The following PIAS4 variants were observed in gnomAD, a reference collection of about 807,000 sequenced individuals.
The protein encoded by PIAS4 is protein inhibitor of activated STAT 4, also known as E3 SUMO-protein ligase PIAS4.
In PIAS4, 7 loss-of-function variants were observed where a neutral mutation model predicts 58.0. The observed-to-expected ratio is 0.12, with a 90% CI of 0.07 to 0.23. The LOEUF (loss-of-function observed/expected upper bound fraction) is 0.23, where lower values mean the gene tolerates loss of function less well. Among genes scored for constraint, PIAS4 ranks in the 10% least tolerant of loss-of-function variants. The probability of loss-of-function intolerance (pLI) is 1.00; values close to 1 mark genes in which losing one functional copy is unlikely to be tolerated. For missense variants in PIAS4, 550 were observed against 709.5 expected, an observed-to-expected ratio of 0.78 and a Z score of 2.55; for synonymous variants, 364 against 312.4, an observed-to-expected ratio of 1.17 and a Z score of -1.74.
intron 1 of PIAS4, among the ~76,000 whole-genome samples, chr19:4,012,046 G>A: frequency 9.8e-6 from 1 of 101,918 alleles, no homozygotes; most frequent in Non-Finnish European, 2.0e-5. Flanking sequence ...GGAGGTGTGT[G>A]GGGTGTGGAG....
At chr19:4,019,731 C>T (rs563602408) in intron 2 of PIAS4, among the ~76,000 whole-genome samples, 3 of 152,286 alleles carry the variant, frequency 2.0e-5, no homozygotes, top group Admixed American at 2.0e-4. Context: ...AGCCCATCAC[C>T]TCTGCAGAGA....
In PIAS4 at chr19:4,024,101, G is replaced by C. The variant is rs1393692484; in HGVS notation, c.520G>C (p.Glu174Gln). The C allele has an allele frequency of 6.2e-7, 1 of 1,613,708 alleles. No homozygotes were observed. Among genetic ancestry groups the C allele is most frequent in the Admixed American group, 1.7e-5 (1 of 60,026 alleles). The change falls in exon 3 of 11, where the codon GAG (glutamate) becomes CAG (glutamine). Residue 174 changes from glutamate to glutamine, a missense_variant. Physicochemically the swap from Glu to Gln is conservative, Grantham distance 29. This residue lies in a region of PIAS4 where 225 missense variants were observed against 345.8 expected (regional missense o/e 0.65). Transcript: ENST00000262971. ...CTTCGCATTGACGCCAAGACAGGTG[G>C]AGTTGATCCGGAACTCCAGGTGTGC... ...CIFALTPRQV[E>Q]LIRNSRELQP... is the part of the protein sequence containing the mutation.
At chr19:4,023,818 A>G (rs1450951003) in intron 2 of PIAS4, among the ~76,000 whole-genome samples, 1 of 152,226 alleles carries the variant, frequency 6.6e-6, no homozygotes, top group African/African-American at 2.4e-5. Flanking sequence ...GGCCGTCAAC[A>G]GGACACAGGC....
intron 1 of PIAS4, among the ~76,000 whole-genome samples, chr19:4,008,036 C>T (rs1413318276): frequency 1.3e-5 from 2 of 151,674 alleles, no homozygotes; most frequent in African/African-American, 2.4e-5. Context: ...CAGGCAGGGT[C>T]CCCCCACCCA....
intron 2 of PIAS4, among the ~76,000 whole-genome samples, chr19:4,022,279 A>C (rs1217766158): frequency 1.3e-5 from 2 of 151,988 alleles, no homozygotes; most frequent in Non-Finnish European, 2.9e-5. Flanking sequence ...CATTTCTGAT[A>C]TTGGTAGTTT....
intron 2 of PIAS4, among the ~76,000 whole-genome samples, chr19:4,014,928 A>G (rs913780438): frequency 2.6e-5 from 4 of 151,994 alleles, no homozygotes; most frequent in Middle Eastern, 3.4e-3. Context: ...GAGGAAGTGG[A>G]GGAGGGAGGA....
chr19:4,016,998 C>T (rs1384634268), intron 2 of PIAS4, among the ~76,000 whole-genome samples: 1 of 152,160 alleles, frequency 6.6e-6, no homozygotes, highest in Non-Finnish European at 1.5e-5. Flanking sequence ...AGGCAAGTGG[C>T]CGTCTGCCTT....
chr19:4,015,490 C>T (rs1364632159), intron 2 of PIAS4, among the ~76,000 whole-genome samples: 1 of 152,234 alleles, frequency 6.6e-6, no homozygotes, highest in Non-Finnish European at 1.5e-5. Context: ...CACTGGCTCT[C>T]TCTCCATCTC....
chr19:4,024,432 C>T (rs117378798), intron 3 of PIAS4, among the ~76,000 whole-genome samples: 6 of 152,338 alleles, frequency 3.9e-5, no homozygotes, highest in South Asian at 2.1e-4. Flanking sequence ...GAGCATTCCT[C>T]GCCTCCACCC....
Position 4,038,229 on chromosome 19 carries a change from C to CCCCGCCG in PIAS4, c.*365_*371dup, listed in dbSNP as rs952749535. The CCCCGCCG allele has an allele frequency of 1.2e-5, 3 of 243,076 alleles. No homozygotes were observed. The highest frequency in any genetic ancestry group is 1.2e-4 in the Admixed American group (2 of 17,272). The allele number at this position is 243,076 out of a possible 1,614,324, so 15.1% of individuals were successfully genotyped here. A position where few individuals can be genotyped will look rare whatever the true frequency, so the allele number is the denominator to read the frequency against. ...CGCCCCGCGCCCTCCCCTCCGGATG[C>CCCCGCCG]CCCGCCGCCCGCCGCCCTCTGCCCA... On this transcript the variant is annotated 3_prime_UTR_variant, in exon 11 of 11. Transcript: ENST00000262971. The surrounding 1 kb of genome is among the most constrained non-coding windows in gnomAD (Gnocchi z 4.1).
intron 2 of PIAS4, among the ~76,000 whole-genome samples, chr19:4,020,070 C>G (rs543424839): frequency 8.5e-5 from 13 of 152,246 alleles, no homozygotes; most frequent in Admixed American, 6.5e-4. Context: ...GCGCCTGCCA[C>G]CACGCCCGGC....
chr19:4,039,058 G>C lies in PIAS4; in HGVS notation c.*1183G>C, dbSNP rs10405522. 147,414 of 152,426 alleles carry C rather than the reference G, an allele frequency of 0.97. 71,338 individuals are homozygous for C. The highest frequency in any genetic ancestry group is 0.99 in the African/African-American group (41,268 of 41,596). 9.4% of individuals were successfully genotyped at this position (152,426 alleles called of 1,614,324 possible). A position where few individuals can be genotyped will look rare whatever the true frequency, so the allele number is the denominator to read the frequency against. ...CACAGCTGGGCACCCCCCTTGCCCC[G>C]CAGGAGACCGGGGCGCAGGCGGGGC... On this transcript the variant is annotated 3_prime_UTR_variant, in exon 11 of 11. Coordinates refer to ENST00000262971, the MANE Select transcript of PIAS4 (RefSeq NM_015897.4).
chr19:4,035,929 C>G (rs2040274105), intron 9 of PIAS4, among the ~76,000 whole-genome samples: 1 of 143,906 alleles, frequency 6.9e-6, no homozygotes, highest in African/African-American at 2.6e-5. Context: ...CACACCTGCA[C>G]ACATCCATAC....
At chr19:4,016,608 T>C (rs2040055539) in intron 2 of PIAS4, among the ~76,000 whole-genome samples, 1 of 152,168 alleles carries the variant, frequency 6.6e-6, no homozygotes, top group African/African-American at 2.4e-5. Flanking sequence ...GCAGGAGCCA[T>C]TTACTCTACA....
rs548479731 is a variant in PIAS4, at chr19:4,021,554, G to A, written c.455-2482G>A. On this transcript the variant is annotated intron_variant, in intron 2 of 10. Transcript: ENST00000262971. ...GATTTTACATCTGTGTTCATGAGGG[G>A]TATTCATCGGGAATTTTCCTTCCTT... Among the ~76,000 whole-genome samples, 232 of 152,226 alleles carry A rather than the reference G, an allele frequency of 1.5e-3. 2 individuals are homozygous for A. The highest frequency in any genetic ancestry group is 1.2e-3 in the Non-Finnish European group (84 of 68,026).
intron 1 of PIAS4, among the ~76,000 whole-genome samples, chr19:4,010,375 C>T (rs2039981367): frequency 6.6e-6 from 1 of 152,222 alleles, no homozygotes; most frequent in Admixed American, 6.5e-5. Flanking sequence ...GTTCCCCAGC[C>T]CACCTGCCTT....
At chr19:4,031,998 CAG>C (rs966814284) in intron 7 of PIAS4, among the ~76,000 whole-genome samples, 3 of 152,134 alleles carry the variant, frequency 2.0e-5, no homozygotes, top group African/African-American at 7.2e-5. Flanking sequence ...TTGGCTCAAG[CAG>C]GGGAGCTGCT....
At chr19:4,029,204 A>G (rs1172141755) in intron 7 of PIAS4, among the ~76,000 whole-genome samples, 168 bp downstream of exon 7, 1 of 151,962 alleles carries the variant, frequency 6.6e-6, no homozygotes, top group Non-Finnish European at 1.5e-5. Context: ...TCTCTGGAGG[A>G]TACGGATGGC....
chr19:4,013,144 C>T lies in PIAS4; in HGVS notation c.249C>T (p.Pro83=), dbSNP rs1467790693. The T allele has an allele frequency of 1.2e-6, 2 of 1,613,458 alleles. No homozygotes were observed. The highest frequency in any genetic ancestry group is 8.5e-7 in the Non-Finnish European group (1 of 1,180,018). Residue 83 remains proline (P), a synonymous_variant, in exon 2 of 11, where the codon CCC becomes CCT. Coordinates refer to ENST00000262971, the MANE Select transcript of PIAS4 (RefSeq NM_015897.4). The surrounding 1 kb of genome is among the most constrained non-coding windows in gnomAD (Gnocchi z 5.1). ...PAPQPHRPLD[P]LTMHSTYDRA... ...CACAGCCGCACCGGCCCCTGGACCC[C>T]CTGACCATGCACTCCACCTACGACC...
Sources: gnomAD v4.1 joint callset for allele counts (sites outside exome capture counted in the v4.1 genomes callset) on GRCh38, gnomAD v4.1.1 for gene constraint, gnomAD v4.1.1 regional missense constraint, Gnocchi (gnomAD v3.1) non-coding constraint, MANE v1.5 for transcripts, NCBI Gene and HGNC (gene_info 2026-07-23, HGNC 2026-07-21) for gene names.